ADGRL3: variants seen among roughly 807,000 people sequenced by gnomAD.
ADGRL3 encodes the protein calcium-independent alpha-latrotoxin receptor 3.
In ADGRL3, 62 loss-of-function variants were observed where a neutral mutation model predicts 153.5. That is an observed-to-expected ratio of 0.40 (90% CI 0.33 to 0.50). The LOEUF is 0.50. Among genes scored for constraint, ADGRL3 ranks in the 20% least tolerant of loss-of-function variants. The probability of loss-of-function intolerance (pLI) is 0.47; values close to 1 mark genes in which losing one functional copy is unlikely to be tolerated. For synonymous variants in ADGRL3, 710 were observed against 672.5 expected (o/e 1.06, Z -0.86); for missense variants, 1,641 against 1,859.4 (o/e 0.88, Z 2.16).
chr4:61,558,192 A>G (rs1281436040), intron 4 of ADGRL3, among the ~76,000 whole-genome samples: 2 of 145,960 alleles, frequency 1.4e-5, no homozygotes, highest in African/African-American at 2.5e-5. Context: ...ATATATATAT[A>G]TATGATTTAC....
At chr4:61,515,438 A>AG (rs1553951365) in intron 3 of ADGRL3, among the ~76,000 whole-genome samples, 1 of 152,008 alleles carries the variant, frequency 6.6e-6, no homozygotes, top group African/African-American at 2.4e-5. Context: ...TTTATATGGT[A>AG]TTTTTTCTCT....
chr4:61,902,206 T>C (rs924819649), intron 11 of ADGRL3, among the ~76,000 whole-genome samples: 1 of 152,180 alleles, frequency 6.6e-6, no homozygotes, highest in African/African-American at 2.4e-5. Flanking sequence ...TGGGAGCAGC[T>C]GTGGGAGAAA....
intron 10 of ADGRL3, among the ~76,000 whole-genome samples, chr4:61,893,609 A>G (rs187721493): frequency 6.6e-5 from 10 of 152,136 alleles, no homozygotes; most frequent in African/African-American, 2.4e-4. Flanking sequence ...GTCAGGGACC[A>G]TGCTGCAGGA....
intron 8 of ADGRL3, among the ~76,000 whole-genome samples, chr4:61,799,290 A>G (rs2097458797): frequency 6.6e-6 from 1 of 151,970 alleles, no homozygotes; most frequent in Non-Finnish European, 1.5e-5. Context: ...ATTCTATGAC[A>G]GGGACTAGCA....
rs573758484 is a variant in ADGRL3, at chr4:61,938,965, A to G, written c.2419+2920A>G. Among the ~76,000 whole-genome samples, 22 of 150,064 alleles carry G rather than the reference A, an allele frequency of 1.5e-4. No individual in the cohort carries two copies. The South Asian group carries it at 4.6e-3, about 32-fold the overall frequency. On this transcript the variant is annotated intron_variant, in intron 15 of 26. Transcript: ENST00000683033. Reference sequence around the variant, plus strand: ...ATTCTAAGGTTCAGCGATAGGGACTATGACTCCCTCATCTTAGTAACCATA... The same window carrying G: ...ATTCTAAGGTTCAGCGATAGGGACTGTGACTCCCTCATCTTAGTAACCATA...
chr4:61,966,575 T>G (rs1323534522), intron 17 of ADGRL3, among the ~76,000 whole-genome samples: 2 of 119,478 alleles, frequency 1.7e-5, no homozygotes, highest in African/African-American at 3.7e-5. Flanking sequence ...TCAAAAGGGG[T>G]GTGTGTGTGT....
chr4:61,315,744 G>A (rs1016124783), intron 1 of ADGRL3, among the ~76,000 whole-genome samples: 2 of 152,216 alleles, frequency 1.3e-5, no homozygotes, highest in South Asian at 4.1e-4. Flanking sequence ...TTTTTAAACC[G>A]CCATAAAATC....
chr4:61,327,958 A>G lies in ADGRL3; in HGVS notation c.-239-55166A>G, dbSNP rs2095497483. ...GAAATTGCTATTAAGACTGTCAAAA[A>G]TTATTTCAAGGAATTGGCAGTGAGA... On this transcript the variant is annotated intron_variant, in intron 1 of 26. Transcript: ENST00000683033. Among the ~76,000 whole-genome samples the G allele has an allele frequency of 4.6e-5, 7 of 152,266 alleles. No homozygotes were observed. In the South Asian group the frequency reaches 1.2e-3, roughly 27 times the overall value.
chr4:61,401,750 T>A (rs1296837471), intron 2 of ADGRL3, among the ~76,000 whole-genome samples: 1 of 152,096 alleles, frequency 6.6e-6, no homozygotes, highest in African/African-American at 2.4e-5. Context: ...CCAATGTGGT[T>A]CAAAAACCTG....
chr4:61,546,535 T>A (rs1331715676), intron 4 of ADGRL3, among the ~76,000 whole-genome samples: 2 of 152,206 alleles, frequency 1.3e-5, no homozygotes, highest in African/African-American at 4.8e-5. Flanking sequence ...GGTGTCTTTT[T>A]ATATATTGTA....
intron 19 of ADGRL3, among the ~76,000 whole-genome samples, chr4:61,989,651 A>G (rs2099097151): frequency 6.6e-6 from 1 of 152,062 alleles, no homozygotes; most frequent in Admixed American, 6.6e-5. Flanking sequence ...TGGGTTAAGC[A>G]TAACTTTTTT....
intron 2 of ADGRL3, among the ~76,000 whole-genome samples, chr4:61,460,924 G>A (rs2097804659): frequency 6.6e-6 from 1 of 152,054 alleles, no homozygotes; most frequent in African/African-American, 2.4e-5. Flanking sequence ...ACAAAAATTA[G>A]CCAGGCGCGG....
chr4:61,995,977 T>A (rs1435031590), intron 19 of ADGRL3, among the ~76,000 whole-genome samples: 1 of 152,174 alleles, frequency 6.6e-6, no homozygotes, highest in Non-Finnish European at 1.5e-5. Context: ...CTTGATTTAA[T>A]GGCTATGTGT....
At chr4:61,532,551 C>T (rs62303977) in intron 4 of ADGRL3, among the ~76,000 whole-genome samples, 47,540 of 129,782 alleles carry the variant, frequency 0.37, 8,649 homozygotes, top group South Asian at 0.5. Context: ...CGCGCGCGCG[C>T]GCGCGTGTGT....
At chr4:62,001,667 G>C (rs2099140762) in intron 21 of ADGRL3, among the ~76,000 whole-genome samples, 1 of 152,096 alleles carries the variant, frequency 6.6e-6, no homozygotes, top group African/African-American at 2.4e-5. Context: ...AATCTGGCAT[G>C]TTTTTAAACA....
At chr4:61,359,724 T>G (rs546528152) in intron 1 of ADGRL3, among the ~76,000 whole-genome samples, 1 of 152,324 alleles carries the variant, frequency 6.6e-6, no homozygotes, top group African/African-American at 2.4e-5. Context: ...TTTTATTTGT[T>G]TGTCATGTTT....
chr4:61,926,087 C>G (rs1456486576), intron 13 of ADGRL3, among the ~76,000 whole-genome samples: 5 of 152,042 alleles, frequency 3.3e-5, no homozygotes, highest in African/African-American at 1.2e-4. Flanking sequence ...GTACTGTAGA[C>G]AATTATAACA....
At chr4:61,487,289 C>T (rs2098206425) in intron 2 of ADGRL3, among the ~76,000 whole-genome samples, 1 of 152,138 alleles carries the variant, frequency 6.6e-6, no homozygotes, top group Admixed American at 6.5e-5. Context: ...TTTAACTCTC[C>T]ATCCCTCGAT....
intron 4 of ADGRL3, among the ~76,000 whole-genome samples, chr4:61,573,084 G>T (rs773157187): frequency 1.3e-5 from 2 of 151,916 alleles, no homozygotes; most frequent in African/African-American, 2.4e-5. Flanking sequence ...GGATGTAAAA[G>T]CATTTATTCA....
Sources: allele counts gnomAD v4.1 joint callset (sites outside exome capture counted in the v4.1 genomes callset), GRCh38; gene constraint gnomAD v4.1.1; transcripts MANE v1.5; gene names NCBI Gene and HGNC (gene_info 2026-07-23, HGNC 2026-07-21).